The following GALNTL6 variants were observed in gnomAD, a reference collection of about 807,000 sequenced individuals.
GALNTL6 encodes polypeptide N-acetylgalactosaminyltransferase like 6.
GALNTL6 carries 46 observed loss-of-function variants against 73.7 expected under a neutral mutation model. The observed-to-expected ratio is 0.62, with a 90% confidence interval of 0.49 to 0.80. GALNTL6 has a LOEUF of 0.80. Ranked by LOEUF, GALNTL6 falls within the 30% of genes least tolerant of loss-of-function variation. The pLI, the probability that GALNTL6 is intolerant of heterozygous loss-of-function variation, is 0.00. For synonymous variants in GALNTL6, 259 were observed against 263.7 expected (o/e 0.98, Z 0.17); for missense variants, 604 against 755.0 (o/e 0.80, Z 2.34).
intron 2 of GALNTL6, among the ~76,000 whole-genome samples, chr4:172,031,449 A>C (rs1741767392): frequency 6.6e-6 from 1 of 152,162 alleles, no homozygotes; most frequent in South Asian, 2.1e-4. Flanking sequence ...AGTGCTACGC[A>C]AATGTATAAT....
intron 5 of GALNTL6, among the ~76,000 whole-genome samples, chr4:172,622,326 G>C (rs983377761): frequency 5.9e-5 from 9 of 151,970 alleles, no homozygotes; most frequent in African/African-American, 2.2e-4. Context: ...ATGGATAAAA[G>C]TAGACCCACT....
intron 5 of GALNTL6, among the ~76,000 whole-genome samples, chr4:172,439,187 C>CACACAT (rs1731742513): frequency 6.6e-6 from 1 of 151,240 alleles, no homozygotes; most frequent in Admixed American, 6.6e-5. Flanking sequence ...CACACACACA[C>CACACAT]ACACACACAC....
intron 2 of GALNTL6, among the ~76,000 whole-genome samples, chr4:172,156,549 A>ATATATATATAC (rs1560945643): frequency 2.7e-4 from 18 of 65,940 alleles, no homozygotes; most frequent in African/African-American, 9.4e-4. Flanking sequence ...TAATATATAT[A>ATATATATATAC]TATATATATA....
At chr4:172,133,056 A>G (rs1733542929) in intron 2 of GALNTL6, among the ~76,000 whole-genome samples, 2 of 152,224 alleles carry the variant, frequency 1.3e-5, no homozygotes, top group African/African-American at 4.8e-5. Context: ...CTTAACTGAG[A>G]AATGCACTTT....
At chr4:172,494,089 G>T (rs1347321625) in intron 5 of GALNTL6, among the ~76,000 whole-genome samples, 1 of 152,018 alleles carries the variant, frequency 6.6e-6, no homozygotes, top group Non-Finnish European at 1.5e-5. Context: ...TTATCCCACA[G>T]AACCAAGCAC....
chr4:172,091,410 G>A (rs1487375723), intron 2 of GALNTL6, among the ~76,000 whole-genome samples: 3 of 152,062 alleles, frequency 2.0e-5, no homozygotes, highest in African/African-American at 7.2e-5. Context: ...CTCTCTTCTT[G>A]AGATCCCCCA....
At chr4:172,524,289 C>T (rs1579152778) in intron 5 of GALNTL6, among the ~76,000 whole-genome samples, 1 of 151,834 alleles carries the variant, frequency 6.6e-6, no homozygotes, top group East Asian at 1.9e-4. Flanking sequence ...CACTCTGTCG[C>T]CCAGGCTGGA....
intron 8 of GALNTL6, among the ~76,000 whole-genome samples, chr4:172,907,848 G>A (rs1746987272): frequency 6.6e-6 from 1 of 152,122 alleles, no homozygotes; most frequent in South Asian, 2.1e-4. Flanking sequence ...TAGCACCTCA[G>A]CATATGACTT....
At chr4:172,579,239 C>T (rs772830852) in intron 5 of GALNTL6, among the ~76,000 whole-genome samples, 2 of 152,146 alleles carry the variant, frequency 1.3e-5, no homozygotes, top group African/African-American at 2.4e-5. Flanking sequence ...GCTTACTTTG[C>T]ACTAGGTAAT....
intron 2 of GALNTL6, among the ~76,000 whole-genome samples, chr4:171,843,903 G>A (rs1735306177): frequency 1.3e-5 from 2 of 152,092 alleles, no homozygotes; most frequent in African/African-American, 4.8e-5. Flanking sequence ...CAATATTGAA[G>A]CAAAAATTGT....
At position 172,882,534 on chromosome 4, in the gene GALNTL6, T is replaced by A. The variant is rs35541987; in HGVS notation, c.924-256T>A. Among the ~76,000 whole-genome samples the A allele has an allele frequency of 5.1e-3, 771 of 152,336 alleles. 5 individuals are homozygous for A. Among genetic ancestry groups the A allele is most frequent in the Non-Finnish European group, 9.1e-3 (618 of 68,024 alleles). On this transcript the variant is annotated intron_variant, in intron 7 of 12. Transcript: ENST00000506823. ...GATAAACAAGTGGAGCAAATGTGAC[T>A]CTGCAGGGCAATTGTTGCATTAAAA...
At chr4:172,392,462 ATT>A (rs5864134) in intron 5 of GALNTL6, among the ~76,000 whole-genome samples, 3,795 of 146,304 alleles carry the variant, frequency 0.026, 96 homozygotes, top group African/African-American at 0.073. Flanking sequence ...TTTCTTATTC[ATT>A]TTTTTTTTTT....
intron 2 of GALNTL6, among the ~76,000 whole-genome samples, chr4:172,098,474 T>A (rs2110955614): frequency 6.6e-6 from 1 of 152,204 alleles, no homozygotes; most frequent in African/African-American, 2.4e-5. Context: ...AAAATAATAT[T>A]GTTAAATCAA....
At chr4:172,831,586 G>T (rs2111055839) in intron 7 of GALNTL6, among the ~76,000 whole-genome samples, 1 of 152,338 alleles carries the variant, frequency 6.6e-6, no homozygotes, top group South Asian at 2.1e-4. Flanking sequence ...AAAGCACCAA[G>T]GGGAAAAATC....
At chr4:173,008,170 C>T (rs1310162363) in intron 10 of GALNTL6, among the ~76,000 whole-genome samples, 5 of 152,182 alleles carry the variant, frequency 3.3e-5, no homozygotes, top group South Asian at 2.1e-4. Context: ...CACCATGTTC[C>T]GCACAGAACC....
intron 5 of GALNTL6, among the ~76,000 whole-genome samples, chr4:172,653,516 C>T (rs183115592): frequency 9.9e-5 from 15 of 152,090 alleles, no homozygotes; most frequent in East Asian, 3.9e-4. Context: ...CCACTGTGTC[C>T]GGCCTTATTC....
intron 2 of GALNTL6, among the ~76,000 whole-genome samples, chr4:171,818,436 T>A (rs1228658945): frequency 1.3e-5 from 2 of 151,778 alleles, no homozygotes; most frequent in African/African-American, 4.8e-5. Flanking sequence ...CAGAAATAAT[T>A]CAAGAATATT....
chr4:172,772,204 A>C (rs1047758593), intron 5 of GALNTL6, among the ~76,000 whole-genome samples: 5 of 152,178 alleles, frequency 3.3e-5, no homozygotes, highest in African/African-American at 1.2e-4. Flanking sequence ...CTCCCACAAC[A>C]TGTGGGAATT....
intron 10 of GALNTL6, among the ~76,000 whole-genome samples, chr4:172,988,619 G>A (rs1481872607): frequency 1.3e-5 from 2 of 152,260 alleles, no homozygotes; most frequent in Non-Finnish European, 2.9e-5. Flanking sequence ...ATGTTTCAGA[G>A]ACCTTCATGG....
Sources: allele counts gnomAD v4.1 joint callset (sites outside exome capture counted in the v4.1 genomes callset), GRCh38; gene constraint gnomAD v4.1.1; transcripts MANE v1.5; gene names NCBI Gene and HGNC (gene_info 2026-07-23, HGNC 2026-07-21).